Variants in RBFOX1 observed in about 807,000 individuals in gnomAD.
The protein encoded by RBFOX1 is RNA binding fox-1 homolog 1, also known as RNA binding protein fox-1 homolog 1.
RBFOX1 carries 8 observed loss-of-function variants against 57.7 expected under a neutral mutation model. The ratio of observed to expected loss-of-function variants is 0.14; its 90% confidence interval spans 0.08 to 0.25. The LOEUF is 0.25. RBFOX1 is among the 10% of genes least tolerant of loss of function. The pLI is 1.00. For missense variants in RBFOX1, 611 were observed against 548.5 expected (o/e 1.11, Z -1.14); for synonymous variants, 326 against 222.4 (o/e 1.47, Z -4.15).
intron 3 of RBFOX1, among the ~76,000 whole-genome samples, chr16:6,949,935 G>T (rs527928526): frequency 6.9e-6 from 1 of 145,582 alleles, no homozygotes; most frequent in East Asian, 2.0e-4. Flanking sequence ...CCCTGAGTAC[G>T]TTTTTTTGTT....
chr16:6,871,184 A>C (rs990291146), intron 3 of RBFOX1, among the ~76,000 whole-genome samples: 2 of 152,090 alleles, frequency 1.3e-5, no homozygotes, highest in Non-Finnish European at 2.9e-5. Context: ...TGTTTCAGAA[A>C]ATCACCCCTG....
intron 1 of RBFOX1, among the ~76,000 whole-genome samples, chr16:6,124,282 G>T (rs1353677723): frequency 6.6e-6 from 1 of 152,124 alleles, no homozygotes; most frequent in Non-Finnish European, 1.5e-5. Context: ...CAGTCTCCAT[G>T]GGCACCTGGG....
chr16:5,466,097 C>A (rs1031868730), intron 1 of RBFOX1, among the ~76,000 whole-genome samples: 1 of 152,224 alleles, frequency 6.6e-6, no homozygotes, highest in Non-Finnish European at 1.5e-5. Context: ...GTTATGGTAT[C>A]TTCTCCCACT....
intron 15 of RBFOX1, chr16:7,709,937 T>A: frequency 9.7e-7 from 1 of 1,026,112 alleles, no homozygotes; most frequent in Non-Finnish European, 1.2e-6. Context: ...GTCCTTACCC[T>A]AAAAATGAAT....
chr16:5,461,362 G>T (rs733616), intron 1 of RBFOX1, among the ~76,000 whole-genome samples: 1 of 151,900 alleles, frequency 6.6e-6, no homozygotes. Context: ...CCTTTCCCCT[G>T]GAGGCACTCA....
Position 5,762,105 on chromosome 16 carries a change from A to C in RBFOX1, c.319-105198A>C, listed in dbSNP as rs1373110248. ...GTAAGAATAAATGAATTTTCCTGCA[A>C]AACCAATAGTATACACTGTCTGGCA... On this transcript the variant is annotated intron_variant, in intron 3 of 19. Coordinates refer to the RBFOX1 transcript ENST00000641259. Among the ~76,000 whole-genome samples, 3 of 152,314 alleles carry C rather than the reference A, an allele frequency of 2.0e-5. No homozygotes were observed. In the East Asian group the frequency reaches 5.8e-4, roughly 29 times the overall value.
chr16:6,261,677 A>G (rs569040809), intron 1 of RBFOX1, among the ~76,000 whole-genome samples: 2 of 152,254 alleles, frequency 1.3e-5, no homozygotes, highest in Non-Finnish European at 2.9e-5. Context: ...AACTCAGGAA[A>G]ACAGTGGCTT....
chr16:7,180,900 G>T (rs928270502), intron 4 of RBFOX1, among the ~76,000 whole-genome samples: 9 of 152,170 alleles, frequency 5.9e-5, no homozygotes, highest in Admixed American at 1.3e-4. Flanking sequence ...TTCCTGCAGA[G>T]GGTCAGATAA....
chr16:5,433,638 T>C lies in RBFOX1; in HGVS notation c.220-33578T>C, dbSNP rs73524293. ...ATTACAAAAATAATGTATGCATTTATTGCACCCTTTCTTTGTGTGTGGCAT... is the reference window on the plus strand; with the variant it reads ...ATTACAAAAATAATGTATGCATTTACTGCACCCTTTCTTTGTGTGTGGCAT... On this transcript the variant is annotated intron_variant, in intron 1 of 2. Transcript: ENST00000585867. 1.8e-3 allele frequency among the ~76,000 whole-genome samples: 277 copies of C among 152,358 alleles called. 2 individuals are homozygous for C. Among genetic ancestry groups the C allele is most frequent in the African/African-American group, 6.5e-3 (269 of 41,582 alleles).
intron 2 of RBFOX1, among the ~76,000 whole-genome samples, chr16:6,627,971 G>A (rs1323753206): frequency 6.6e-6 from 1 of 152,232 alleles, no homozygotes; most frequent in East Asian, 1.9e-4. Context: ...CTCGCTGGAT[G>A]TCAACAGCCA....
chr16:6,116,727 C>T (rs979731830), intron 1 of RBFOX1, among the ~76,000 whole-genome samples: 2 of 152,146 alleles, frequency 1.3e-5, no homozygotes. Flanking sequence ...TTGTTATTTG[C>T]AAGTACACAT....
At chr16:5,889,701 G>A (rs755884663) in intron 4 of RBFOX1, among the ~76,000 whole-genome samples, 3 of 152,238 alleles carry the variant, frequency 2.0e-5, no homozygotes, top group Non-Finnish European at 2.9e-5. Context: ...GCGCCTGTCC[G>A]TGGCAGCCCA....
intron 3 of RBFOX1, among the ~76,000 whole-genome samples, chr16:6,997,847 A>C (rs1334819033): frequency 1.3e-5 from 2 of 152,158 alleles, no homozygotes; most frequent in Non-Finnish European, 2.9e-5. Context: ...TAGTAATAGC[A>C]GGAAACAGTT....
intron 4 of RBFOX1, among the ~76,000 whole-genome samples, chr16:5,876,073 G>A (rs1419873987): frequency 6.6e-6 from 1 of 152,046 alleles, no homozygotes; most frequent in Non-Finnish European, 1.5e-5. Flanking sequence ...TTGATCTTAT[G>A]ACCTCGTGAT....
intron 4 of RBFOX1, among the ~76,000 whole-genome samples, chr16:7,157,054 T>C (rs2077295731): frequency 6.6e-6 from 1 of 152,218 alleles, no homozygotes; most frequent in African/African-American, 2.4e-5. Context: ...CTCCTGTTTT[T>C]CCCCTATTAT....
intron 3 of RBFOX1, among the ~76,000 whole-genome samples, chr16:6,677,610 A>C (rs1006164222): frequency 1.3e-5 from 2 of 152,246 alleles, no homozygotes; most frequent in Admixed American, 6.5e-5. Flanking sequence ...ATTTTCAATC[A>C]AAGATAAAAT....
chr16:6,748,592 G>C (rs545874844), intron 3 of RBFOX1, among the ~76,000 whole-genome samples: 3 of 152,248 alleles, frequency 2.0e-5, no homozygotes, highest in South Asian at 4.1e-4. Flanking sequence ...CCAGAAGTTC[G>C]AGGCTGTTGT....
At chr16:7,263,661 C>G (rs114086565) in intron 4 of RBFOX1, among the ~76,000 whole-genome samples, 1 of 151,856 alleles carries the variant, frequency 6.6e-6, no homozygotes, top group African/African-American at 2.4e-5. Flanking sequence ...ACAGAGAGGC[C>G]GAGGCAGGTG....
chr16:7,329,526 A>G (rs769128562), intron 4 of RBFOX1, among the ~76,000 whole-genome samples: 21 of 152,226 alleles, frequency 1.4e-4, no homozygotes, highest in Non-Finnish European at 2.5e-4. Context: ...AGCAGAACCT[A>G]TGTTAAGAAA....
Sources: allele counts gnomAD v4.1 joint callset (sites outside exome capture counted in the v4.1 genomes callset), GRCh38; gene constraint gnomAD v4.1.1; transcripts MANE v1.5; gene names NCBI Gene and HGNC (gene_info 2026-07-23, HGNC 2026-07-21).